The following PIGL variants were observed in gnomAD, a reference collection of about 807,000 sequenced individuals.
The protein encoded by PIGL is N-acetylglucosaminyl-phosphatidylinositol de-N-acetylase.
In PIGL, 22 loss-of-function variants were observed where a neutral mutation model predicts 31.1. The observed-to-expected ratio is 0.71, with a 90% CI of 0.51 to 1.01. The LOEUF (loss-of-function observed/expected upper bound fraction) is 1.01. Ranked by LOEUF, PIGL falls within the 50% of genes least tolerant of loss-of-function variation. PIGL has a pLI of 0.00. For synonymous variants in PIGL, 131 were observed against 117.4 expected, an observed-to-expected ratio of 1.12 and a Z score of -0.75; for missense variants, 302 against 315.9, an observed-to-expected ratio of 0.96 and a Z score of 0.33.
rs1178008978 is a variant in PIGL at position 16,306,661 on chromosome 17, C to G, written c.426+6683C>G. ...TCTCCTGCCTCAGCCTGCCAAGTAG[C>G]TGGGATTACAGGCATGCGCCACCAG... On this transcript the variant is annotated intron_variant, in intron 3 of 6. Coordinates refer to ENST00000225609, the MANE Select transcript of PIGL (RefSeq NM_004278.4). Among the ~76,000 whole-genome samples the G allele has an allele frequency of 2.0e-5, 3 of 151,716 alleles. No individual in the cohort carries two copies. The South Asian group carries it at 6.2e-4, about 32-fold the overall frequency.
chr17:16,317,195 C>T (rs949336730), intron 5 of PIGL: 1 of 1,005,260 alleles, frequency 9.9e-7, no homozygotes, highest in Admixed American at 5.1e-5. Flanking sequence ...CTCACCGGCG[C>T]AATACGAAGA....
rs1293094179 is a variant in PIGL, at chr17:16,240,904, C to T, written c.335+6834C>T. 2.0e-5 allele frequency among the ~76,000 whole-genome samples: 3 copies of T among 151,664 alleles called. No homozygotes were observed. In the East Asian group the frequency reaches 5.9e-4, roughly 30 times the overall value. Reference sequence around the variant, plus strand: ...GGGTGGGGGGCAGATCACCTGAGGTCGGGAGTTCGAGACCAGCCTGACCAA... The same window carrying T: ...GGGTGGGGGGCAGATCACCTGAGGTTGGGAGTTCGAGACCAGCCTGACCAA... On this transcript the variant is annotated intron_variant, in intron 2 of 6. Coordinates refer to ENST00000225609, the MANE Select transcript of PIGL (RefSeq NM_004278.4).
At chr17:16,317,992 C>T (rs1238338473) in intron 6 of PIGL, 84 bp downstream of exon 6, 1 of 1,231,620 alleles carries the variant, frequency 8.1e-7, no homozygotes, top group Admixed American at 1.7e-5. Context: ...TCTGCAGAAG[C>T]CCTAACTGAA....
chr17:16,290,554 G>T (rs1317090952), intron 2 of PIGL, among the ~76,000 whole-genome samples: 1 of 152,066 alleles, frequency 6.6e-6, no homozygotes, highest in African/African-American at 2.4e-5. Flanking sequence ...CCACTGACCT[G>T]GCTAATTTTT....
chr17:16,220,469 T>C (rs1000413641), intron 1 of PIGL, among the ~76,000 whole-genome samples: 1 of 148,800 alleles, frequency 6.7e-6, no homozygotes, highest in African/African-American at 2.5e-5. Context: ...TTTGTGTTTT[T>C]TTAAATTGTT....
At chr17:16,271,006 TCAA>T (rs2092869683) in intron 2 of PIGL, among the ~76,000 whole-genome samples, 1 of 152,166 alleles carries the variant, frequency 6.6e-6, no homozygotes, top group Non-Finnish European at 1.5e-5. Flanking sequence ...ACTGCTCAAT[TCAA>T]CAATGTACCT....
chr17:16,282,040 T>C, intron 2 of PIGL: 1 of 520,818 alleles, frequency 1.9e-6, no homozygotes, highest in Admixed American at 2.0e-5. Flanking sequence ...AGATCAGGAC[T>C]GTAACTCACC....
intron 2 of PIGL, among the ~76,000 whole-genome samples, chr17:16,241,713 T>G (rs1401832463): frequency 6.6e-6 from 1 of 152,128 alleles, no homozygotes; most frequent in Admixed American, 6.6e-5. Context: ...GTGGGAATAC[T>G]TGAGAAAATT....
chr17:16,246,510 CA>C (rs896732212), intron 2 of PIGL, among the ~76,000 whole-genome samples: 59 of 134,554 alleles, frequency 4.4e-4, no homozygotes, highest in Admixed American at 4.5e-4. Context: ...GACTCCGTCT[CA>C]AAAAAAAAAA....
intron 2 of PIGL, among the ~76,000 whole-genome samples, chr17:16,286,809 G>A (rs1178963166): frequency 1.3e-5 from 2 of 152,086 alleles, no homozygotes; most frequent in Non-Finnish European, 2.9e-5. Flanking sequence ...TGTTAATGAG[G>A]TGCCTCATGT....
intron 1 of PIGL, among the ~76,000 whole-genome samples, chr17:16,220,156 T>C (rs1463788399): frequency 1.3e-5 from 2 of 151,990 alleles, no homozygotes; most frequent in Non-Finnish European, 2.9e-5. Flanking sequence ...AAAACCATCT[T>C]GGCCAACATG....
chr17:16,265,229 GTAAC>G (rs1389092696), intron 2 of PIGL, among the ~76,000 whole-genome samples: 1 of 152,178 alleles, frequency 6.6e-6, no homozygotes. Flanking sequence ...ATATGGTAAG[GTAAC>G]TAACGGTGAC....
chr17:16,263,449 T>C (rs948732011), intron 2 of PIGL, among the ~76,000 whole-genome samples: 1 of 152,094 alleles, frequency 6.6e-6, no homozygotes, highest in Non-Finnish European at 1.5e-5. Flanking sequence ...CAAATTACAG[T>C]TGTGAGCCAC....
chr17:16,262,367 A>T (rs918848387), intron 2 of PIGL, among the ~76,000 whole-genome samples: 23 of 152,348 alleles, frequency 1.5e-4, no homozygotes, highest in African/African-American at 5.5e-4. Flanking sequence ...TGCAAATCCA[A>T]ACCACAGTGA....
At chr17:16,313,116 G>C (rs114879912) in intron 3 of PIGL, among the ~76,000 whole-genome samples, 1 of 152,102 alleles carries the variant, frequency 6.6e-6, no homozygotes, top group Non-Finnish European at 1.5e-5. Flanking sequence ...CCCAGGACAC[G>C]GTGGACATTG....
intron 3 of PIGL, among the ~76,000 whole-genome samples, chr17:16,308,792 C>CTTTTTT (rs71150288): frequency 1.7e-5 from 2 of 114,436 alleles, no homozygotes; most frequent in African/African-American, 6.8e-5. Context: ...TGCATCCAGG[C>CTTTTTT]TTTTTTTTTT....
chr17:16,309,089 C>T (rs2093037852), intron 3 of PIGL, among the ~76,000 whole-genome samples: 1 of 152,144 alleles, frequency 6.6e-6, no homozygotes, highest in Non-Finnish European at 1.5e-5. Flanking sequence ...CTGTGCCCAG[C>T]CAAACATTTA....
At chr17:16,258,073 G>GAT (rs2092802341) in intron 2 of PIGL, among the ~76,000 whole-genome samples, 3 of 38,046 alleles carry the variant, frequency 7.9e-5, no homozygotes, top group Non-Finnish European at 2.1e-4. Context: ...GAAAGAAAGA[G>GAT]AGAGAGAGAG....
At chr17:16,218,143 T>G (rs1008185370) in intron 1 of PIGL, 2 of 152,228 alleles carry the variant, frequency 1.3e-5, no homozygotes, top group African/African-American at 4.8e-5. Context: ...GTAATTGAAT[T>G]GTACACATAC....
Sources: gnomAD v4.1 joint callset for allele counts (sites outside exome capture counted in the v4.1 genomes callset) on GRCh38, gnomAD v4.1.1 for gene constraint, MANE v1.5 for transcripts, NCBI Gene and HGNC (gene_info 2026-07-23, HGNC 2026-07-21) for gene names.